Variants in MED12L observed in about 807,000 individuals in gnomAD.
MED12L encodes mediator of RNA polymerase II transcription subunit 12-like protein.
Under a neutral mutation model 281.3 loss-of-function variants are expected in MED12L, and 60 were observed. The ratio of observed to expected loss-of-function variants is 0.21; its 90% CI spans 0.17 to 0.26. The LOEUF (loss-of-function observed/expected upper bound fraction) is 0.26. MED12L is among the 10% of genes least tolerant of loss of function. The pLI is 1.00. For synonymous variants in MED12L, 974 were observed against 987.2 expected, an observed-to-expected ratio of 0.99 and a Z score of 0.25; for missense variants, 2,146 against 2,680.9, an observed-to-expected ratio of 0.80 and a Z score of 4.41.
chr3:151,367,503 CATG>C (rs1456560593), intron 23 of MED12L, 140 bp from the exon 24 acceptor site: 1 of 640,004 alleles, frequency 1.6e-6, no homozygotes, highest in East Asian at 3.0e-5. Flanking sequence ...GGATAATCAT[CATG>C]ATATGTTATC....
intron 16 of MED12L, among the ~76,000 whole-genome samples, chr3:151,266,253 A>G (rs1036629358): frequency 5.9e-5 from 9 of 152,224 alleles, no homozygotes; most frequent in African/African-American, 1.9e-4. Context: ...TTTCCAAGGT[A>G]TTCAACATCT....
At chr3:151,232,154 ATTGATGTTTC>A (rs1242574658) in intron 16 of MED12L, among the ~76,000 whole-genome samples, 1 of 152,096 alleles carries the variant, frequency 6.6e-6, no homozygotes, top group Admixed American at 6.6e-5. Flanking sequence ...CATCCTTAAA[ATTGATGTTTC>A]TTGTTCTATT....
Position 151,269,150 on chromosome 3 carries a change from C to A in MED12L, c.2250+75484C>A, listed in dbSNP as rs1385654295. Among the ~76,000 whole-genome samples the A allele has an allele frequency of 2.0e-5, 3 of 152,118 alleles. No homozygotes were observed. The East Asian group carries it at 5.8e-4, about 29-fold the overall frequency. On this transcript the variant is annotated intron_variant, in intron 16 of 44. Coordinates refer to ENST00000687756, the MANE Select transcript of MED12L (RefSeq NM_001393769.1). Reference sequence around the variant, plus strand: ...ACAGGCTGGGCGCGGTGGCTTATGCCTATACTCTGGGAGGCCAAGGTGGGT... The same window carrying A: ...ACAGGCTGGGCGCGGTGGCTTATGCATATACTCTGGGAGGCCAAGGTGGGT...
At chr3:151,386,408 G>T (rs1421619533) in intron 36 of MED12L, among the ~76,000 whole-genome samples, 1 of 152,006 alleles carries the variant, frequency 6.6e-6, no homozygotes, top group Non-Finnish European at 1.5e-5. Flanking sequence ...TATATTTTTT[G>T]AGATGGAATC....
chr3:151,385,162 G>C lies in MED12L; in HGVS notation c.5059G>C (p.Ala1687Pro). Residue 1687 changes from alanine to proline, a missense_variant, in exon 36 of 45, where the codon GCT (alanine) becomes CCT (proline). Coordinates refer to ENST00000687756, the MANE Select transcript of MED12L (RefSeq NM_001393769.1). ...SLIDTKGNKIAGFDSIDKKQG... is the reference protein window; with the variant it reads ...SLIDTKGNKIPGFDSIDKKQG... Reference sequence around the variant, plus strand: ...GATTGACACAAAAGGAAACAAAATTGCTGGATTTGACTCTATAGATAAAAA... The same window carrying C: ...GATTGACACAAAAGGAAACAAAATTCCTGGATTTGACTCTATAGATAAAAA... The C allele has an allele frequency of 6.3e-7, 1 of 1,586,612 alleles. No homozygotes were observed. The highest frequency in any genetic ancestry group is 8.6e-7 in the Non-Finnish European group (1 of 1,163,010).
At chr3:151,258,767 G>A (rs201787596) in intron 16 of MED12L, among the ~76,000 whole-genome samples, 8 of 150,880 alleles carry the variant, frequency 5.3e-5, no homozygotes, top group Non-Finnish European at 7.4e-5. Flanking sequence ...CAGGAGAATC[G>A]CTTGAACTTG....
In MED12L at chr3:151,394,179, C is replaced by G. The variant is rs2108252913; in HGVS notation, c.5609-477C>G. Among the ~76,000 whole-genome samples, 2 of 152,282 alleles carry G rather than the reference C, an allele frequency of 1.3e-5. 1 individual carries two copies. Among genetic ancestry groups the G allele is most frequent in the Middle Eastern group, 6.8e-3 (2 of 294 alleles). ...AAGATTTTAAAGTATTTTCATGCCTCTGCTATAAAACAGGCATTTTCATTT... is the reference window on the plus strand; with the variant it reads ...AAGATTTTAAAGTATTTTCATGCCTGTGCTATAAAACAGGCATTTTCATTT... On this transcript the variant is annotated intron_variant, in intron 38 of 44. Transcript: ENST00000687756.
At chr3:151,275,997 C>CT (rs1254333285) in intron 16 of MED12L, among the ~76,000 whole-genome samples, 2 of 152,074 alleles carry the variant, frequency 1.3e-5, no homozygotes, top group Non-Finnish European at 2.9e-5. Context: ...GAAATGCCTT[C>CT]TTAGCATCCA....
chr3:151,198,370 A>G (rs1289068113), intron 16 of MED12L: 10 of 1,194,880 alleles, frequency 8.4e-6, no homozygotes, highest in Middle Eastern at 2.6e-4. Context: ...TTTCAAAGCT[A>G]TAATTAACTT....
At chr3:151,188,941 C>T (rs1723614302) in intron 13 of MED12L, among the ~76,000 whole-genome samples, 1 of 151,682 alleles carries the variant, frequency 6.6e-6, no homozygotes, top group Admixed American at 6.6e-5. Flanking sequence ...TATGTCATCT[C>T]AAGCTCTTTT....
In MED12L at chr3:151,247,962, C is replaced by CTTTTTTT. The variant is rs61102632; in HGVS notation, c.2250+54313_2250+54319dup. On this transcript the variant is annotated intron_variant, in intron 16 of 44. Transcript: ENST00000687756. ...GTTTACTTTCTTTCTTCTTCTTCTTCTTTTTTTTTTTTTTTTTTTTTTTGC... is the reference window on the plus strand; with the variant it reads ...GTTTACTTTCTTTCTTCTTCTTCTTCTTTTTTTTTTTTTTTTTTTTTTTTTTTTTTGC... 3.3e-3 allele frequency among the ~76,000 whole-genome samples: 253 copies of CTTTTTTT among 75,858 alleles called. 1 individual carries two copies. Among genetic ancestry groups the CTTTTTTT allele is most frequent in the Non-Finnish European group, 4.3e-3 (175 of 40,668 alleles). 49.8% of individuals were successfully genotyped at this position (75,858 alleles called of 152,430 possible). A position where few individuals can be genotyped will look rare whatever the true frequency, so the allele number is the denominator to read the frequency against.
At chr3:151,335,581 G>A (rs1750872670) in intron 16 of MED12L, among the ~76,000 whole-genome samples, 1 of 152,010 alleles carries the variant, frequency 6.6e-6, no homozygotes, top group Admixed American at 6.6e-5. Flanking sequence ...TTTCACATCT[G>A]GACCTGAGTC....
intron 9 of MED12L, among the ~76,000 whole-genome samples, chr3:151,165,145 C>T (rs558459978): frequency 5.3e-5 from 8 of 152,280 alleles, no homozygotes; most frequent in Non-Finnish European, 8.8e-5. Context: ...AGAACATTCA[C>T]CTTTCCACGT....
chr3:151,414,726 T>A (rs1273640809), intron 42 of MED12L, among the ~76,000 whole-genome samples: 1 of 151,822 alleles, frequency 6.6e-6, no homozygotes, highest in Non-Finnish European at 1.5e-5. Flanking sequence ...AAAAAAAAGT[T>A]GTATCACAAA....
At chr3:151,389,052 A>G (rs1326655673) in intron 37 of MED12L, among the ~76,000 whole-genome samples, 1 of 152,164 alleles carries the variant, frequency 6.6e-6, no homozygotes, top group Non-Finnish European at 1.5e-5. Flanking sequence ...TTGGTGATTA[A>G]TACTATTTTA....
chr3:151,424,447 G>C (rs1427345056), intron 43 of MED12L, among the ~76,000 whole-genome samples: 34 of 152,090 alleles, frequency 2.2e-4, no homozygotes, highest in Non-Finnish European at 4.4e-5. Flanking sequence ...GGTGAAACCT[G>C]TCTGTATTAA....
chr3:151,253,180 T>C (rs555433566), intron 16 of MED12L, among the ~76,000 whole-genome samples: 2 of 152,178 alleles, frequency 1.3e-5, no homozygotes, highest in Non-Finnish European at 2.9e-5. Context: ...TATAGTGATA[T>C]AAATGTCAGT....
chr3:151,244,695 A>G (rs1734975072), intron 16 of MED12L, among the ~76,000 whole-genome samples: 1 of 151,416 alleles, frequency 6.6e-6, no homozygotes, highest in East Asian at 1.9e-4. Context: ...CCCTAACATC[A>G]CAATTAAAAG....
At chr3:151,173,634 T>TG (rs1348913306) in intron 11 of MED12L, among the ~76,000 whole-genome samples, 9 of 152,354 alleles carry the variant, frequency 5.9e-5, no homozygotes, top group Admixed American at 2.0e-4. Context: ...ACGCTGGCCT[T>TG]GGTAGGATAC....
Sources: gnomAD v4.1 joint callset for allele counts (sites outside exome capture counted in the v4.1 genomes callset) on GRCh38, gnomAD v4.1.1 for gene constraint, MANE v1.5 for transcripts, NCBI Gene and HGNC (gene_info 2026-07-23, HGNC 2026-07-21) for gene names.